Variants in CCT6A observed in about 807,000 individuals in gnomAD.
CCT6A encodes the protein T-complex protein 1 subunit zeta.
In CCT6A, 6 loss-of-function variants were observed where a neutral mutation model predicts 58.6. The observed-to-expected ratio is 0.10, with a 90% CI of 0.06 to 0.20. The LOEUF (loss-of-function observed/expected upper bound fraction) is 0.20. Ranked by LOEUF, CCT6A falls within the 10% of genes least tolerant of loss-of-function variation. The pLI is 1.00. For synonymous variants in CCT6A, 245 were observed against 227.8 expected (o/e 1.08, Z -0.68); for missense variants, 516 against 648.8 (o/e 0.80, Z 2.22).
chr7:56,063,814 C>A lies in CCT6A; in HGVS notation c.*729C>A, dbSNP rs1005330155. 22 of 161,714 alleles carry A rather than the reference C, an allele frequency of 1.4e-4. No individual in the cohort carries two copies. The highest frequency in any genetic ancestry group is 6.4e-5 in the Admixed American group (1 of 15,604). 10.0% of individuals were successfully genotyped at this position (161,714 alleles called of 1,614,324 possible). A position where few individuals can be genotyped will look rare whatever the true frequency, so the allele number is the denominator to read the frequency against. ...CTGAACTTAGGCAAAATATTCATCG[C>A]AAAGTCTCTAGCGTCATATTTTTCT... is the stretch of plus-strand genomic sequence containing the variant. On this transcript the variant is annotated 3_prime_UTR_variant, in exon 14 of 14. Transcript: ENST00000275603.
chr7:56,057,880 C>A, intron 5 of CCT6A, 113 bp from the exon 6 acceptor site: 1 of 675,842 alleles, frequency 1.5e-6, no homozygotes, highest in Non-Finnish European at 2.6e-6. Context: ...GACTTCATCT[C>A]AAAAAAGAAA....
Position 56,055,681 on chromosome 7 carries a change from C to G in CCT6A, c.394C>G (p.Gln132Glu). The change falls in exon 4 of 14, where the codon CAG (glutamine) becomes GAG (glutamate). Residue 132 changes from glutamine to glutamate, a missense_variant. Transcript: ENST00000275603. ...TGAAGCTGCAAAGGAAAAGGCCCTT[C>G]AGTTTTTGGAAGAAGTCAAAGTAAG... ...GFEAAKEKAL[Q>E]FLEEVKVSRE... is the part of the protein sequence containing the mutation. 6.2e-7 allele frequency: 1 copy of G among 1,613,774 alleles called. No homozygotes were observed. Among genetic ancestry groups the G allele is most frequent in the Non-Finnish European group, 8.5e-7 (1 of 1,179,730 alleles).
chr7:56,053,354 T>G (rs1794228781), intron 2 of CCT6A, among the ~76,000 whole-genome samples: 2 of 152,200 alleles, frequency 1.3e-5, no homozygotes, highest in Admixed American at 1.3e-4. Context: ...AGATGAAATA[T>G]CTTTAGTAAG....
At chr7:56,059,682 T>G (rs1335875489) in intron 9 of CCT6A, 42 bp downstream of exon 9, 1 of 974,358 alleles carries the variant, frequency 1.0e-6, no homozygotes, top group East Asian at 2.4e-5. Context: ...ACCTTTTAGC[T>G]CGTGAATTAT....
chr7:56,061,047 C>G, intron 11 of CCT6A, 107 bp downstream of exon 11: 1 of 1,280,978 alleles, frequency 7.8e-7, no homozygotes, highest in Non-Finnish European at 1.1e-6. Context: ...CAAGTTTGAT[C>G]AGTTTTCTTT....
chr7:56,058,881 C>CT (rs377468986), intron 8 of CCT6A, 179 bp downstream of exon 8: 27 of 451,380 alleles, frequency 6.0e-5, no homozygotes, highest in African/African-American at 5.2e-4. Flanking sequence ...CAAACTGAAA[C>CT]TGTATACCCA....
intron 2 of CCT6A, among the ~76,000 whole-genome samples, chr7:56,053,933 C>T (rs1794247375): frequency 6.6e-6 from 1 of 152,198 alleles, no homozygotes; most frequent in Non-Finnish European, 1.5e-5. Context: ...TGGAACCTCT[C>T]TCCAATCTCC....
Position 56,060,340 on chromosome 7 carries a change from A to G in CCT6A, c.1137A>G (p.Pro379=), listed in dbSNP as rs1794406196. 3.7e-6 allele frequency: 6 copies of G among 1,613,968 alleles called. No individual in the cohort carries two copies. The African/African-American group carries it at 6.7e-5, about 18-fold the overall frequency. Residue 379 remains proline (P), a synonymous_variant, in exon 10 of 14, where the codon CCA becomes CCG. Transcript: ENST00000275603. ...CTGTCACATTATTGATCAAAGGACC[A>G]AATAAGCACACACTCACTCAGATCA... ...PRSVTLLIKG[P]NKHTLTQIKD...
intron 6 of CCT6A, 90 bp from the exon 7 acceptor site, chr7:56,058,272 G>T: frequency 9.8e-7 from 1 of 1,021,728 alleles, no homozygotes; most frequent in Non-Finnish European, 1.4e-6. Flanking sequence ...TTGGAGCTCA[G>T]TGAACTGTTA....
At chr7:56,057,201 G>A (rs1216739018) in intron 5 of CCT6A, among the ~76,000 whole-genome samples, 1 of 152,144 alleles carries the variant, frequency 6.6e-6, no homozygotes, top group East Asian at 1.9e-4. Flanking sequence ...TAAGGTGAAT[G>A]TTATGTTTAT....
chr7:56,055,160 G>C (rs1280431998), intron 3 of CCT6A, among the ~76,000 whole-genome samples: 1 of 152,182 alleles, frequency 6.6e-6, no homozygotes, highest in East Asian at 1.9e-4. Flanking sequence ...TGTAATCCCA[G>C]CTACTTGGGA....
At chr7:56,053,438 C>T (rs1282566121) in intron 2 of CCT6A, among the ~76,000 whole-genome samples, 1 of 152,052 alleles carries the variant, frequency 6.6e-6, no homozygotes, top group African/African-American at 2.4e-5. Flanking sequence ...AAAGTGGAGC[C>T]ACAGTTAAAC....
chr7:56,059,713 T>TG (rs1794392066), intron 9 of CCT6A, 73 bp downstream of exon 9: 2 of 788,194 alleles, frequency 2.5e-6, no homozygotes, highest in Admixed American at 3.9e-5. Context: ...TTGTTTGAGG[T>TG]GGGGTCTCAC....
chr7:56,057,117 A>G (rs1794326046), intron 5 of CCT6A, among the ~76,000 whole-genome samples: 1 of 152,078 alleles, frequency 6.6e-6, no homozygotes, highest in Non-Finnish European at 1.5e-5. Context: ...ATAAAATGTT[A>G]TATATTTACC....
At position 56,063,350 on chromosome 7, in the gene CCT6A, T is replaced by C. The variant is rs1367259881; in HGVS notation, c.*265T>C. ...TTAGCAGCAGTGACATAAAATTCCA[T>C]GTTAGATAAGCATATGTTACTTACC... is the stretch of plus-strand genomic sequence containing the variant. On this transcript the variant is annotated 3_prime_UTR_variant, in exon 14 of 14. Transcript: ENST00000275603. 2.1e-6 allele frequency: 1 copy of C among 469,724 alleles called. No homozygotes were observed. Among genetic ancestry groups the C allele is most frequent in the Non-Finnish European group, 3.8e-6 (1 of 263,306 alleles). 29.1% of individuals were successfully genotyped at this position (469,724 alleles called of 1,614,324 possible).
intron 8 of CCT6A, 103 bp downstream of exon 8, chr7:56,058,805 C>T (rs1584550780): frequency 7.2e-6 from 5 of 693,272 alleles, no homozygotes; most frequent in African/African-American, 5.4e-5. Context: ...AGTTAATTGG[C>T]ATTAACTATA....
Position 56,056,343 on chromosome 7 carries a change from G to C in CCT6A, c.543G>C (p.Lys181Asn). The change falls in exon 5 of 14, where the codon AAG (lysine) becomes AAC (asparagine). Residue 181 changes from lysine (K) to asparagine (N), a missense_variant. Coordinates refer to ENST00000275603, the MANE Select transcript of CCT6A (RefSeq NM_001762.4). ...TGGACTCCATTTTGGCCATTAAAAA[G>C]CAAGATGAACCTATTGATCTCTTCA... ...AVVDSILAIK[K>N]QDEPIDLFMI... is the part of the protein sequence containing the mutation. 1.3e-6 allele frequency: 2 copies of C among 1,599,292 alleles called. No individual in the cohort carries two copies. The highest frequency in any genetic ancestry group is 1.7e-6 in the Non-Finnish European group (2 of 1,166,494).
At chr7:56,057,305 T>C (rs1794329349) in intron 5 of CCT6A, among the ~76,000 whole-genome samples, 1 of 152,142 alleles carries the variant, frequency 6.6e-6, no homozygotes, top group Non-Finnish European at 1.5e-5. Context: ...TAGAGGAATT[T>C]AAAAAAATAT....
Position 56,052,426 on chromosome 7 carries a change from G to T in CCT6A, c.142G>T (p.Val48Phe), listed in dbSNP as rs1159269586. The T allele has an allele frequency of 6.2e-7, 1 of 1,613,938 alleles. No individual in the cohort carries two copies. Among genetic ancestry groups the T allele is most frequent in the Non-Finnish European group, 8.5e-7 (1 of 1,179,778 alleles). The change falls in exon 2 of 14, where the codon GTT becomes TTT. Residue 48 changes from valine to phenylalanine, a missense_variant. Physicochemically the swap from Val to Phe is conservative, Grantham distance 50 (BLOSUM62 -1). This residue lies in a region of CCT6A where 116 missense variants were observed against 184.5 expected (regional missense o/e 0.63). Transcript: ENST00000275603. ...LGPKGTMKMLVSGAGDIKLTK... is the reference protein window; with the variant it reads ...LGPKGTMKMLFSGAGDIKLTK... Reference sequence around the variant, plus strand: ...TCATTTCTGTCCTTTAAACAGGCTCGTTTCTGGCGCTGGAGACATCAAACT... The same window carrying T: ...TCATTTCTGTCCTTTAAACAGGCTCTTTTCTGGCGCTGGAGACATCAAACT...
Sources: allele counts gnomAD v4.1 joint callset (sites outside exome capture counted in the v4.1 genomes callset), GRCh38; gene constraint gnomAD v4.1.1; regional missense constraint gnomAD v4.1.1; transcripts MANE v1.5; gene names NCBI Gene and HGNC (gene_info 2026-07-23, HGNC 2026-07-21).